Variants in CD53 observed in about 807,000 individuals in gnomAD.
CD53 encodes CD53 molecule.
In CD53, 20 loss-of-function variants were observed where a neutral mutation model predicts 27.3. The observed-to-expected ratio is 0.73, with a 90% confidence interval of 0.52 to 1.07. The LOEUF is 1.07. Among genes scored for constraint, CD53 ranks in the 50% least tolerant of loss-of-function variants. The pLI, the probability that CD53 is intolerant of heterozygous loss-of-function variation, is 0.00. For missense variants in CD53, 216 were observed against 264.0 expected (o/e 0.82, Z 1.26); for synonymous variants, 106 against 105.3 (o/e 1.01, Z -0.04).
chr1:110,881,671 A>G (rs146506709), intron 1 of CD53, among the ~76,000 whole-genome samples: 1 of 152,354 alleles, frequency 6.6e-6, no homozygotes, highest in African/African-American at 2.4e-5. Flanking sequence ...TTAACTTTGT[A>G]CAAAACGAGC....
Position 110,892,343 on chromosome 1 carries a change from AG to A in CD53, c.64-1del. On this transcript the variant is annotated splice_acceptor_variant, in intron 2 of 7. Coordinates refer to ENST00000271324, the MANE Select transcript of CD53 (RefSeq NM_000560.4). LOFTEE classifies it high-confidence loss of function. ...AGGATGTTGTGGGATTCTTCCTTTCAGATCTGTGGCTGCTGCATTTTGGGCT... is the reference window on the plus strand; with the variant it reads ...AGGATGTTGTGGGATTCTTCCTTTCAATCTGTGGCTGCTGCATTTTGGGCT... 4 of 1,612,968 alleles carry A rather than the reference AG, an allele frequency of 2.5e-6. No homozygotes were observed. Among genetic ancestry groups the A allele is most frequent in the Non-Finnish European group, 3.4e-6 (4 of 1,178,918 alleles).
chr1:110,893,282 G>A (rs1260453641), intron 3 of CD53, among the ~76,000 whole-genome samples: 1 of 152,014 alleles, frequency 6.6e-6, no homozygotes, highest in African/African-American at 2.4e-5. Context: ...TTTCCATTAT[G>A]GTTCAACATT....
Position 110,894,437 on chromosome 1 carries a change from C to T in CD53, c.327+36C>T, listed in dbSNP as rs140081445. ...AAGACAACAACTTATTGTCTTAATA[C>T]TGAAAGTGGGGAGTATGCAGTGGAG... On this transcript the variant is annotated intron_variant, in intron 4 of 7. Transcript: ENST00000271324. The T allele has an allele frequency of 2.3e-5, 35 of 1,490,806 alleles. No individual in the cohort carries two copies. In the East Asian group the frequency reaches 7.7e-4, roughly 33 times the overall value. The allele number at this position is 1,490,806 out of a possible 1,614,324, so 92.3% of individuals were successfully genotyped here. A position where few individuals can be genotyped will look rare whatever the true frequency, so the allele number is the denominator to read the frequency against.
chr1:110,894,572 G>T (rs1261891080), intron 4 of CD53, among the ~76,000 whole-genome samples, 171 bp downstream of exon 4: 1 of 152,048 alleles, frequency 6.6e-6, no homozygotes, highest in Non-Finnish European at 1.5e-5. Context: ...GTATGAAAGA[G>T]ATTGTATCTG....
intron 5 of CD53, 121 bp downstream of exon 5, chr1:110,895,176 G>T: frequency 1.4e-6 from 1 of 715,306 alleles, no homozygotes. Flanking sequence ...CTGAATCCCA[G>T]AATAATGCCT....
At chr1:110,897,465 G>A (rs1657115392) in intron 6 of CD53, among the ~76,000 whole-genome samples, 3 of 152,292 alleles carry the variant, frequency 2.0e-5, no homozygotes, top group African/African-American at 7.2e-5. Context: ...ACCAATTTTA[G>A]TATTGCATGC....
At chr1:110,873,747 C>G (rs1407791386) in intron 1 of CD53, among the ~76,000 whole-genome samples, 5 of 152,112 alleles carry the variant, frequency 3.3e-5, no homozygotes, top group Non-Finnish European at 5.9e-5. Flanking sequence ...TTCAAAGCCA[C>G]TAAATAGAAA....
intron 1 of CD53, among the ~76,000 whole-genome samples, chr1:110,881,945 C>T (rs574395992): frequency 6.6e-6 from 1 of 152,110 alleles, no homozygotes; most frequent in South Asian, 2.1e-4. Flanking sequence ...GATCTTTTGC[C>T]CATTTTAAAA....
At chr1:110,884,880 T>C (rs1027116939) in intron 1 of CD53, among the ~76,000 whole-genome samples, 1 of 152,158 alleles carries the variant, frequency 6.6e-6, no homozygotes, top group Admixed American at 6.5e-5. Context: ...AATTGGGTCT[T>C]GTTTTTTCAA....
Position 110,892,212 on chromosome 1 carries a change from A to C in CD53, c.64-133A>C, listed in dbSNP as rs1471580205. 3 of 740,462 alleles carry C rather than the reference A, an allele frequency of 4.1e-6. No homozygotes were observed. The African/African-American group carries it at 5.2e-5, about 13-fold the overall frequency. The allele number at this position is 740,462 out of a possible 1,614,324, so 45.9% of individuals were successfully genotyped here. A position where few individuals can be genotyped will look rare whatever the true frequency, so the allele number is the denominator to read the frequency against. On this transcript the variant is annotated intron_variant, in intron 2 of 7. Transcript: ENST00000271324. Reference sequence around the variant, plus strand: ...AATGTAAGCATGGAAAAGTTTGGTAAAGAAATTGTTCATGAGACTCTTGAT... The same window carrying C: ...AATGTAAGCATGGAAAAGTTTGGTACAGAAATTGTTCATGAGACTCTTGAT...
chr1:110,883,136 T>C (rs1488217610), intron 1 of CD53, among the ~76,000 whole-genome samples: 1 of 151,972 alleles, frequency 6.6e-6, no homozygotes, highest in African/African-American at 2.4e-5. Flanking sequence ...TTCCTCCTTA[T>C]ATAAGGGTAA....
At chr1:110,878,921 CATTT>C (rs1010638193) in intron 1 of CD53, among the ~76,000 whole-genome samples, 2 of 152,094 alleles carry the variant, frequency 1.3e-5, no homozygotes, top group Middle Eastern at 3.2e-3. Context: ...ACTGTACTTG[CATTT>C]ATTTATTTAT....
At chr1:110,887,235 T>C (rs1656662074) in intron 1 of CD53, among the ~76,000 whole-genome samples, 1 of 151,962 alleles carries the variant, frequency 6.6e-6, no homozygotes, top group African/African-American at 2.4e-5. Context: ...GGCTAATTTT[T>C]TCTATTTTTT....
At chr1:110,894,935 C>T (rs943027849) in intron 4 of CD53, 25 bp from the exon 5 acceptor site, 7 of 1,573,416 alleles carry the variant, frequency 4.4e-6, no homozygotes, top group African/African-American at 2.7e-5. Context: ...TACCATGTCT[C>T]CTCTGCTGGA....
chr1:110,875,842 A>G (rs899546787), intron 1 of CD53, among the ~76,000 whole-genome samples: 1 of 152,208 alleles, frequency 6.6e-6, no homozygotes, highest in Non-Finnish European at 1.5e-5. Flanking sequence ...GGAAAGAGAA[A>G]GACATGCATT....
At chr1:110,892,193 A>G in intron 2 of CD53, 152 bp from the exon 3 acceptor site, 1 of 680,988 alleles carries the variant, frequency 1.5e-6, no homozygotes, top group Non-Finnish European at 2.7e-6. Context: ...CTCCAATGTA[A>G]GCATGGAAAA....
intron 1 of CD53, among the ~76,000 whole-genome samples, chr1:110,888,064 C>A (rs1656700749): frequency 6.6e-6 from 1 of 152,048 alleles, no homozygotes; most frequent in South Asian, 2.1e-4. Context: ...TTGCACGATG[C>A]AAGAAAGGAG....
In CD53 at chr1:110,895,057, T is replaced by C; in HGVS notation, c.423+2T>C. ...GCGTGGGACTCCATCCAGTCATTTG[T>C]GAGTACAGGTGGAATCCTCTTCAGA... On this transcript the variant is annotated splice_donor_variant, in intron 5 of 7. Coordinates refer to ENST00000271324, the MANE Select transcript of CD53 (RefSeq NM_000560.4). LOFTEE classifies it high-confidence loss of function. 6.2e-7 allele frequency: 1 copy of C among 1,601,376 alleles called. No individual in the cohort carries two copies.
At chr1:110,891,871 T>C (rs543675862) in intron 2 of CD53, among the ~76,000 whole-genome samples, 3 of 152,240 alleles carry the variant, frequency 2.0e-5, no homozygotes, top group Non-Finnish European at 4.4e-5. Context: ...TTTCACTGTA[T>C]AAAATTCAGC....
Sources: gnomAD v4.1 joint callset for allele counts (sites outside exome capture counted in the v4.1 genomes callset) on GRCh38, gnomAD v4.1.1 for gene constraint, MANE v1.5 for transcripts, NCBI Gene and HGNC (gene_info 2026-07-23, HGNC 2026-07-21) for gene names.